ST18: variants seen among roughly 807,000 people sequenced by gnomAD.
ST18 encodes ST18 C2H2C-type zinc finger transcription factor, also known as suppression of tumorigenicity 18 protein.
A neutral mutation model predicts 110.0 loss-of-function variants in ST18; 50 were observed. That is an observed-to-expected ratio of 0.45 (90% CI 0.36 to 0.58). The LOEUF is 0.58. ST18 is among the 20% of genes least tolerant of loss of function. ST18 has a pLI of 0.00. For synonymous variants in ST18, 461 were observed against 452.4 expected, an observed-to-expected ratio of 1.02 and a Z score of -0.24; for missense variants, 1,306 against 1,280.1, an observed-to-expected ratio of 1.02 and a Z score of -0.31.
At chr8:52,191,691 G>A (rs1476588200) in intron 8 of ST18, among the ~76,000 whole-genome samples, 1 of 152,230 alleles carries the variant, frequency 6.6e-6, no homozygotes. Flanking sequence ...TCTGAGAGGA[G>A]CAGAGAGAAG....
At chr8:52,283,264 A>G (rs979023855) in intron 2 of ST18, among the ~76,000 whole-genome samples, 2 of 152,224 alleles carry the variant, frequency 1.3e-5, no homozygotes, top group East Asian at 3.9e-4. Flanking sequence ...CTAACCCGCC[A>G]TGATGGAGGT....
Position 52,209,796 on chromosome 8 carries a change from T to A in ST18, c.86+2283A>T, listed in dbSNP as rs1477496505. On this transcript the variant is annotated intron_variant, in intron 8 of 25. Coordinates refer to ENST00000689386, the MANE Select transcript of ST18 (RefSeq NM_001352837.2). Reference sequence around the variant, plus strand: ...AAAAAAAAAAAAAAAAAAATATATATATATATATATATATACATGCTTATT... The same window carrying A: ...AAAAAAAAAAAAAAAAAAATATATAAATATATATATATATACATGCTTATT... Among the ~76,000 whole-genome samples, 3 of 142,242 alleles carry A rather than the reference T, an allele frequency of 2.1e-5. No homozygotes were observed. The South Asian group carries it at 6.5e-4, about 31-fold the overall frequency. The allele number at this position is 142,242 out of a possible 152,430, so 93.3% of individuals were successfully genotyped here.
chr8:52,285,942 C>T (rs562970641), intron 2 of ST18, among the ~76,000 whole-genome samples: 48 of 152,292 alleles, frequency 3.2e-4, no homozygotes, highest in African/African-American at 1.1e-3. Flanking sequence ...TGTGGTCAAG[C>T]TTCTTAGTCT....
Position 52,172,380 on chromosome 8 carries a change from T to A in ST18, c.481A>T (p.Ser161Cys). ...DSGIQSLKAESDEADECFLIH... is the reference protein window; with the variant it reads ...DSGIQSLKAECDEADECFLIH... ...AGAAAGCACTCGTCTGCTTCATCGCTCTCTGCTTTTAAAGACTGGATGCCA... is the reference window on the plus strand; with the variant it reads ...AGAAAGCACTCGTCTGCTTCATCGCACTCTGCTTTTAAAGACTGGATGCCA... The change falls in exon 10 of 26, where the codon AGC (serine) becomes TGC (cysteine). Residue 161 changes from serine (S) to cysteine (C), a missense_variant. Coordinates refer to ENST00000689386, the MANE Select transcript of ST18 (RefSeq NM_001352837.2). The A allele has an allele frequency of 6.2e-7, 1 of 1,614,078 alleles. No individual in the cohort carries two copies. The highest frequency in any genetic ancestry group is 8.5e-7 in the Non-Finnish European group (1 of 1,180,020).
intron 2 of ST18, among the ~76,000 whole-genome samples, chr8:52,251,266 ATACT>A (rs1375557310): frequency 6.6e-6 from 1 of 152,146 alleles, no homozygotes; most frequent in Non-Finnish European, 1.5e-5. Flanking sequence ...TAAGTGCTAA[ATACT>A]TACCTCAATA....
chr8:52,388,778 A>G (rs1399542181), intron 2 of ST18, among the ~76,000 whole-genome samples: 3 of 134,196 alleles, frequency 2.2e-5, no homozygotes, highest in Non-Finnish European at 3.1e-5. Context: ...CAACACATGG[A>G]CACAGGAAGG....
At chr8:52,145,583 T>C (rs1049419779) in intron 16 of ST18, among the ~76,000 whole-genome samples, 15 of 152,232 alleles carry the variant, frequency 9.9e-5, no homozygotes, top group African/African-American at 3.6e-4. Context: ...GCAGCCAGTG[T>C]AAATCAATAG....
rs576086014 is a variant in ST18 at position 52,232,732 on chromosome 8, G to C, written c.-464-2655C>G. 2.6e-5 allele frequency among the ~76,000 whole-genome samples: 4 copies of C among 152,068 alleles called. No individual in the cohort carries two copies. The South Asian group carries it at 8.3e-4, about 32-fold the overall frequency. ...GGGTATTTTGCAATACTGTTCACAG[G>C]AATACATATTTTAGGAAGAAGGAAA... On this transcript the variant is annotated intron_variant, in intron 2 of 25. Transcript: ENST00000689386.
At chr8:52,229,718 T>G (rs2090732708) in intron 3 of ST18, 1 of 152,220 alleles carries the variant, frequency 6.6e-6, no homozygotes, top group Non-Finnish European at 1.5e-5. Flanking sequence ...ATGGATATTT[T>G]GGGGAGGGGT....
chr8:52,161,629 G>T (rs946890879), intron 13 of ST18, 61 bp from the exon 14 acceptor site: 2 of 1,567,004 alleles, frequency 1.3e-6, no homozygotes, highest in African/African-American at 2.7e-5. Context: ...GAGCACATTA[G>T]TGTCAGAATT....
intron 3 of ST18, among the ~76,000 whole-genome samples, chr8:52,226,317 C>T (rs2089393545): frequency 6.6e-6 from 1 of 152,076 alleles, no homozygotes; most frequent in East Asian, 1.9e-4. Context: ...CATTTTTAAC[C>T]ACTTGTTTAT....
At chr8:52,138,823 A>G (rs1286961422) in intron 17 of ST18, among the ~76,000 whole-genome samples, 1 of 152,206 alleles carries the variant, frequency 6.6e-6, no homozygotes, top group African/African-American at 2.4e-5. Flanking sequence ...CATCCTGCCT[A>G]AAGCGAGGAC....
At chr8:52,376,697 T>G (rs1480775036) in intron 2 of ST18, among the ~76,000 whole-genome samples, 1 of 152,160 alleles carries the variant, frequency 6.6e-6, no homozygotes, top group Admixed American at 6.5e-5. Context: ...CCTAAGCACC[T>G]AGAACAGAGC....
intron 6 of ST18, among the ~76,000 whole-genome samples, chr8:52,217,056 C>G (rs1366926718): frequency 6.6e-6 from 1 of 152,128 alleles, no homozygotes; most frequent in Admixed American, 6.6e-5. Flanking sequence ...TTTTCTTCCC[C>G]CTGGAAAAGA....
At chr8:52,291,257 C>T (rs190585622) in intron 2 of ST18, among the ~76,000 whole-genome samples, 3 of 152,370 alleles carry the variant, frequency 2.0e-5, no homozygotes, top group East Asian at 1.9e-4. Context: ...TTCCTCCCCA[C>T]TGTAGGCATG....
chr8:52,144,261 A>G (rs2056389042), intron 16 of ST18, among the ~76,000 whole-genome samples: 1 of 152,152 alleles, frequency 6.6e-6, no homozygotes, highest in Non-Finnish European at 1.5e-5. Context: ...CTAATAAAAA[A>G]AACTGTCTTC....
intron 2 of ST18, among the ~76,000 whole-genome samples, chr8:52,300,337 C>A (rs1317303579): frequency 6.6e-6 from 1 of 152,062 alleles, no homozygotes; most frequent in African/African-American, 2.4e-5. Flanking sequence ...AAAGAAGAAC[C>A]AAGCATTAAG....
chr8:52,385,700 A>T (rs1478211736), intron 2 of ST18, among the ~76,000 whole-genome samples: 1 of 151,310 alleles, frequency 6.6e-6, no homozygotes, highest in Non-Finnish European at 1.5e-5. Context: ...CCCTCGCTTA[A>T]CTTCACAGAA....
At chr8:52,193,110 G>A (rs2075111533) in intron 8 of ST18, among the ~76,000 whole-genome samples, 1 of 152,190 alleles carries the variant, frequency 6.6e-6, no homozygotes, top group Non-Finnish European at 1.5e-5. Flanking sequence ...AGGGCTCAAA[G>A]GATCTGAGTC....
Sources: allele counts gnomAD v4.1 joint callset (sites outside exome capture counted in the v4.1 genomes callset), GRCh38; gene constraint gnomAD v4.1.1; transcripts MANE v1.5; gene names NCBI Gene and HGNC (gene_info 2026-07-23, HGNC 2026-07-21).